STRIP2: variants seen among roughly 807,000 people sequenced by gnomAD.
STRIP2 encodes striatin interacting protein 2.
A neutral mutation model predicts 107.1 loss-of-function variants in STRIP2; 84 were observed. The observed-to-expected ratio is 0.78, with a 90% CI of 0.66 to 0.94. The LOEUF is 0.94. Ranked by LOEUF, STRIP2 falls within the 40% of genes least tolerant of loss-of-function variation. STRIP2 has a pLI of 0.00. For synonymous variants in STRIP2, 394 were observed against 400.4 expected, an observed-to-expected ratio of 0.98 and a Z score of 0.19; for missense variants, 888 against 1,034.2, an observed-to-expected ratio of 0.86 and a Z score of 1.94.
intron 2 of STRIP2, 137 bp downstream of exon 2, chr7:129,440,228 C>G: frequency 1.5e-6 from 1 of 684,376 alleles, no homozygotes; most frequent in Non-Finnish European, 2.6e-6. Flanking sequence ...TCCTTTTCCT[C>G]TCCATCCAAG....
At chr7:129,465,199 A>AG (rs1239891565) in intron 16 of STRIP2, among the ~76,000 whole-genome samples, 2 of 152,154 alleles carry the variant, frequency 1.3e-5, no homozygotes, top group Admixed American at 1.3e-4. Context: ...ATAAGTAGCC[A>AG]ATTATAGAGA....
intron 3 of STRIP2, among the ~76,000 whole-genome samples, chr7:129,449,335 C>A (rs1238252704): frequency 6.6e-6 from 1 of 152,192 alleles, no homozygotes; most frequent in Non-Finnish European, 1.5e-5. Context: ...CTCTCAACCT[C>A]ACCTCTAGGG....
intron 3 of STRIP2, among the ~76,000 whole-genome samples, chr7:129,445,415 T>G (rs997420978): frequency 2.0e-5 from 3 of 152,022 alleles, no homozygotes; most frequent in African/African-American, 7.3e-5. Flanking sequence ...GGCAGTTTCC[T>G]CCCTCTGGAG....
intron 4 of STRIP2, 105 bp from the exon 5 acceptor site, chr7:129,453,122 T>TTAATA: frequency 6.7e-7 from 1 of 1,487,582 alleles, no homozygotes; most frequent in South Asian, 1.3e-5. Context: ...TCAGCCTAAT[T>TTAATA]ATTAGGCAGA....
chr7:129,452,085 A>T (rs1197567654), intron 4 of STRIP2, among the ~76,000 whole-genome samples: 1 of 152,212 alleles, frequency 6.6e-6, no homozygotes, highest in Non-Finnish European at 1.5e-5. Flanking sequence ...CATGGAGACA[A>T]GACATCAACT....
intron 3 of STRIP2, among the ~76,000 whole-genome samples, chr7:129,450,918 CTTTTTTTTTTTTTTTTTTTTTT>C (rs758536953): frequency 2.4e-4 from 13 of 54,470 alleles, no homozygotes; most frequent in Admixed American, 9.2e-4. Context: ...GAGAAAGGTC[CTTTTTTTTTTTTTTTTTTTTTT>C]TTTTTTTTTT....
At chr7:129,466,739 T>C (rs1280638936) in intron 16 of STRIP2, among the ~76,000 whole-genome samples, 3 of 152,214 alleles carry the variant, frequency 2.0e-5, no homozygotes, top group African/African-American at 7.2e-5. Flanking sequence ...GTGCAGTATC[T>C]GTTGGCTGAA....
intron 18 of STRIP2, among the ~76,000 whole-genome samples, chr7:129,476,403 G>A (rs1212914620): frequency 1.4e-5 from 2 of 143,960 alleles, no homozygotes; most frequent in Admixed American, 6.8e-5. Flanking sequence ...GGGCGGAGGG[G>A]CTCCTCACTT....
At chr7:129,467,060 G>A (rs760770579) in intron 16 of STRIP2, among the ~76,000 whole-genome samples, 2 of 152,186 alleles carry the variant, frequency 1.3e-5, no homozygotes, top group Non-Finnish European at 2.9e-5. Flanking sequence ...TTCCTGTTGG[G>A]CTTAGGAACA....
intron 3 of STRIP2, among the ~76,000 whole-genome samples, chr7:129,448,923 A>G (rs1409838893): frequency 6.6e-6 from 1 of 152,196 alleles, no homozygotes; most frequent in African/African-American, 2.4e-5. Flanking sequence ...TCAAGGGTGT[A>G]TCTGCTGGAC....
intron 9 of STRIP2, among the ~76,000 whole-genome samples, chr7:129,457,560 G>A (rs1357614420): frequency 1.3e-5 from 2 of 152,112 alleles, no homozygotes; most frequent in Non-Finnish European, 2.9e-5. Context: ...TATCAACAGG[G>A]CTAGATAGTA....
At chr7:129,466,426 T>C (rs1247089463) in intron 16 of STRIP2, among the ~76,000 whole-genome samples, 1 of 152,206 alleles carries the variant, frequency 6.6e-6, no homozygotes, top group Non-Finnish European at 1.5e-5. Flanking sequence ...CCAGGGCCAT[T>C]AGGCAGCTTA....
intron 1 of STRIP2, among the ~76,000 whole-genome samples, chr7:129,436,451 C>A (rs988745304): frequency 1.3e-5 from 2 of 152,212 alleles, no homozygotes; most frequent in African/African-American, 4.8e-5. Flanking sequence ...AAGCTTTCCA[C>A]CTGCACCGCG....
At chr7:129,451,507 T>G in intron 3 of STRIP2, 106 bp from the exon 4 acceptor site, 1 of 1,403,092 alleles carries the variant, frequency 7.1e-7, no homozygotes, top group East Asian at 2.3e-5. Flanking sequence ...TTGGAGAAAA[T>G]AATTTTGGCA....
At chr7:129,479,869 C>T (rs1036656738) in intron 18 of STRIP2, among the ~76,000 whole-genome samples, 2 of 152,108 alleles carry the variant, frequency 1.3e-5, no homozygotes, top group Admixed American at 6.6e-5. Context: ...AAGCCTAATA[C>T]CCTCAAAAAC....
chr7:129,485,845 C>G lies in STRIP2; in HGVS notation c.*16C>G, dbSNP rs1259413051. ...GAATCACTGACTAAGTTCTTGTCAA[C>G]AAGCATCAATAGATAGAGGTCAGCT... On this transcript the variant is annotated 3_prime_UTR_variant, in exon 21 of 21. Transcript: ENST00000249344. 6.2e-7 allele frequency: 1 copy of G among 1,613,242 alleles called. No homozygotes were observed. The highest frequency in any genetic ancestry group is 1.1e-5 in the South Asian group (1 of 91,028).
intron 17 of STRIP2, 129 bp from the exon 18 acceptor site, chr7:129,470,520 G>A (rs1324454669): frequency 2.8e-6 from 2 of 702,732 alleles, no homozygotes; most frequent in Non-Finnish European, 5.1e-6. Context: ...CATTTCAGCT[G>A]AGGTCACTAA....
intron 2 of STRIP2, among the ~76,000 whole-genome samples, chr7:129,442,144 G>C (rs1277270026): frequency 6.6e-6 from 1 of 152,152 alleles, no homozygotes; most frequent in East Asian, 1.9e-4. Context: ...AGAATTGCCT[G>C]AACCTGGGAG....
intron 3 of STRIP2, among the ~76,000 whole-genome samples, chr7:129,447,516 A>G (rs928574315): frequency 6.6e-6 from 1 of 152,234 alleles, no homozygotes; most frequent in Non-Finnish European, 1.5e-5. Flanking sequence ...TCCAATCAGC[A>G]TAATGTCATC....
Sources: allele counts gnomAD v4.1 joint callset (sites outside exome capture counted in the v4.1 genomes callset), GRCh38; gene constraint gnomAD v4.1.1; transcripts MANE v1.5; gene names NCBI Gene and HGNC (gene_info 2026-07-23, HGNC 2026-07-21).